The following ACTL7B variants were observed in gnomAD, a reference collection of about 807,000 sequenced individuals.
The protein encoded by ACTL7B is actin like 7B.
ACTL7B carries 14 observed loss-of-function variants against 17.5 expected under a neutral mutation model. The observed-to-expected ratio is 0.80, with a 90% CI of 0.53 to 1.25. The LOEUF (loss-of-function observed/expected upper bound fraction) is 1.25. Among genes scored for constraint, ACTL7B ranks in the 50% most tolerant of loss-of-function variants. The pLI is 0.00. For synonymous variants in ACTL7B, 267 were observed against 252.4 expected (o/e 1.06, Z -0.55); for missense variants, 599 against 573.9 (o/e 1.04, Z -0.45).
chr9:108,855,533 A>T lies in ACTL7B; in HGVS notation c.398T>A (p.Ile133Asn). 3.1e-6 allele frequency: 5 copies of T among 1,613,578 alleles called. No individual in the cohort carries two copies. Among genetic ancestry groups the T allele is most frequent in the Non-Finnish European group, 4.2e-6 (5 of 1,180,036 alleles). The part of the protein sequence containing the change: ...WDCVQDIWEY[I>N]FRTAMKILPE... ...GAGGATCTTCATGGCGGTGCGGAAG[A>T]TGTACTCCCAGATGTCCTGCACGCA... is the stretch of plus-strand genomic sequence containing the variant. Residue 133 changes from isoleucine to asparagine, a missense_variant, in exon 1 of 1, where the codon ATC becomes AAC. Coordinates refer to ENST00000374667, the MANE Select transcript of ACTL7B (RefSeq NM_006686.4).
In ACTL7B at chr9:108,855,807, T is replaced by G; in HGVS notation, c.124A>C (p.Lys42Gln). The change falls in exon 1 of 1, where the codon AAG becomes CAG. Residue 42 changes from lysine (K) to glutamine (Q), a missense_variant. Coordinates refer to ENST00000374667, the MANE Select transcript of ACTL7B (RefSeq NM_006686.4). ...DTGAATQLKMKPRKVHKIKAV... is the reference protein window; with the variant it reads ...DTGAATQLKMQPRKVHKIKAV... ...TTGATCTTGTGCACCTTCCTGGGCT[T>G]CATCTTGAGCTGAGTGGCCGCACCT... 6.2e-7 allele frequency: 1 copy of G among 1,611,082 alleles called. No individual in the cohort carries two copies. Among genetic ancestry groups the G allele is most frequent in the Non-Finnish European group, 8.5e-7 (1 of 1,180,010 alleles).
Position 108,854,676 on chromosome 9 carries a change from C to T in ACTL7B, c.*7G>A. 6.7e-7 allele frequency: 1 copy of T among 1,492,462 alleles called. No homozygotes were observed. The highest frequency in any genetic ancestry group is 8.9e-7 in the Non-Finnish European group (1 of 1,119,298). The allele number at this position is 1,492,462 out of a possible 1,614,324, so 92.5% of individuals were successfully genotyped here. On this transcript the variant is annotated 3_prime_UTR_variant, in exon 1 of 1. Transcript: ENST00000374667. ...GCTGGAGGCCTTGTCTGTGGAAATGCCGAGGCTCAGCACTTGCTGTAGATG... is the reference window on the plus strand; with the variant it reads ...GCTGGAGGCCTTGTCTGTGGAAATGTCGAGGCTCAGCACTTGCTGTAGATG...
chr9:108,854,784 C>G lies in ACTL7B; in HGVS notation c.1147G>C (p.Gly383Arg). 1 of 1,602,620 alleles carries G rather than the reference C, an allele frequency of 6.2e-7. No homozygotes were observed. Among genetic ancestry groups the G allele is most frequent in the Non-Finnish European group, 8.5e-7 (1 of 1,173,662 alleles). ...TGCAGGGAGGCCAGGATGGAACCGC[C>G]GGTCCACACGGAGGTCTTCCTCTCA... ...APERKTSVWTGGSILASLQAF... is the reference protein window; with the variant it reads ...APERKTSVWTRGSILASLQAF... Residue 383 changes from glycine to arginine, a missense_variant, in exon 1 of 1, where the codon GGC becomes CGC. Transcript: ENST00000374667.
chr9:108,854,654 G>A lies in ACTL7B; in HGVS notation c.*29C>T, dbSNP rs779554652. On this transcript the variant is annotated 3_prime_UTR_variant, in exon 1 of 1. Transcript: ENST00000374667. ...AGAGAGGCCTGTGGCCATCTGTGCT[G>A]GAGGCCTTGTCTGTGGAAATGCCGA... 1.4e-6 allele frequency: 2 copies of A among 1,479,706 alleles called. No homozygotes were observed. Among genetic ancestry groups the A allele is most frequent in the Admixed American group, 2.4e-5 (1 of 41,482 alleles). 91.7% of individuals were successfully genotyped at this position (1,479,706 alleles called of 1,614,324 possible). A position where few individuals can be genotyped will look rare whatever the true frequency, so the allele number is the denominator to read the frequency against.
rs1827078307 is a variant in ACTL7B, at chr9:108,855,291, C to CCGG, written c.639_640insCCG (p.Asp213_Val214insPro). ...GCGCGGCTGGTCAGGCCCGGCAGCA[C>CCGG]GTCGCCCTCGGATATGGGCACCACG... On this transcript the variant is annotated inframe_insertion, in exon 1 of 1. Coordinates refer to ENST00000374667, the MANE Select transcript of ACTL7B (RefSeq NM_006686.4). 14 of 1,600,108 alleles carry CCGG rather than the reference C, an allele frequency of 8.7e-6. No individual in the cohort carries two copies. The Admixed American group carries it at 2.3e-4, about 27-fold the overall frequency.
rs1346885541 is a variant in ACTL7B at position 108,855,698 on chromosome 9, G to T, written c.233C>A (p.Thr78Asn). 7 of 1,611,132 alleles carry T rather than the reference G, an allele frequency of 4.3e-6. No homozygotes were observed. Among genetic ancestry groups the T allele is most frequent in the Non-Finnish European group, 5.9e-6 (7 of 1,180,026 alleles). Residue 78 changes from threonine (T) to asparagine (N), a missense_variant, in exon 1 of 1, where the codon ACC (threonine) becomes AAC (asparagine). Physicochemically the swap from Thr to Asn is moderately conservative, Grantham distance 65 (BLOSUM62 0). Coordinates refer to ENST00000374667, the MANE Select transcript of ACTL7B (RefSeq NM_006686.4). ...EPRPTYFISSTVGKRCPEAAD... is the reference protein window; with the variant it reads ...EPRPTYFISSNVGKRCPEAAD... ...CGCCTCGGGGCAGCGTTTGCCCACGGTGGAGGAGATGAAGTAGGTGGGCCT... is the reference window on the plus strand; with the variant it reads ...CGCCTCGGGGCAGCGTTTGCCCACGTTGGAGGAGATGAAGTAGGTGGGCCT...
In ACTL7B at chr9:108,855,817, C is replaced by T. The variant is rs1317418794; in HGVS notation, c.114G>A (p.Gln38=). 1 of 1,611,332 alleles carries T rather than the reference C, an allele frequency of 6.2e-7. No homozygotes were observed. Among genetic ancestry groups the T allele is most frequent in the South Asian group, 1.1e-5 (1 of 91,088 alleles). Residue 38 remains glutamine (Q), a synonymous_variant, in exon 1 of 1, where the codon CAG becomes CAA. Transcript: ENST00000374667. ...GCACCTTCCTGGGCTTCATCTTGAGCTGAGTGGCCGCACCTGTGTCCCGGA... is the reference window on the plus strand; with the variant it reads ...GCACCTTCCTGGGCTTCATCTTGAGTTGAGTGGCCGCACCTGTGTCCCGGA... ...ASLRDTGAAT[Q]LKMKPRKVHK...
chr9:108,855,115 C>T lies in ACTL7B; in HGVS notation c.816G>A (p.Leu272=). Residue 272 remains leucine, a synonymous_variant, in exon 1 of 1, where the codon CTG becomes CTA. Transcript: ENST00000374667. ...AAFLPEEELG[L]VPEELRVDYE... is the part of the protein sequence containing the mutation. ...AGTCCACGCGCAGCTCCTCCGGGAC[C>T]AGGCCCAGCTCCTCCTCGGGCAGGA... 1 of 1,606,338 alleles carries T rather than the reference C, an allele frequency of 6.2e-7. No homozygotes were observed. Among genetic ancestry groups the T allele is most frequent in the Non-Finnish European group, 8.5e-7 (1 of 1,176,594 alleles).
In ACTL7B at chr9:108,854,864, T is replaced by C; in HGVS notation, c.1067A>G (p.Gln356Arg). 2.6e-6 allele frequency: 4 copies of C among 1,546,434 alleles called. No homozygotes were observed. The highest frequency in any genetic ancestry group is 3.5e-6 in the Non-Finnish European group (4 of 1,146,646). Residue 356 changes from glutamine (Q) to arginine (R), a missense_variant, in exon 1 of 1, where the codon CAG becomes CGG. Physicochemically the swap from Gln to Arg is conservative, Grantham distance 43. Transcript: ENST00000374667. ...TMLDGFPERF[Q>R]RELSLLCPGD... is the part of the protein sequence containing the mutation. ...GGGGCAGAGGAGGCTCAGCTCCCTCTGGAAGCGCTCGGGGAAGCCATCCAG... is the reference window on the plus strand; with the variant it reads ...GGGGCAGAGGAGGCTCAGCTCCCTCCGGAAGCGCTCGGGGAAGCCATCCAG...
At position 108,854,953 on chromosome 9, in the gene ACTL7B, G is replaced by C; in HGVS notation, c.978C>G (p.Cys326Trp). 6.6e-7 allele frequency: 1 copy of C among 1,516,602 alleles called. No individual in the cohort carries two copies. Among genetic ancestry groups the C allele is most frequent in the South Asian group, 1.3e-5 (1 of 75,444 alleles). The allele number at this position is 1,516,602 out of a possible 1,614,324, so 93.9% of individuals were successfully genotyped here. ...PELTAACLGR[C>W]QDTGFKEEMA... is the part of the protein sequence containing the mutation. ...TCTCCTCCTTGAAGCCCGTGTCCTG[G>C]CAGCGGCCCAGGCAGGCAGCTGTGA... The change falls in exon 1 of 1, where the codon TGC (cysteine) becomes TGG (tryptophan). Residue 326 changes from cysteine (C) to tryptophan (W), a missense_variant. Transcript: ENST00000374667.
In ACTL7B at chr9:108,855,458, C is replaced by T. The variant is rs115562684; in HGVS notation, c.473G>A (p.Ser158Asn). Reference sequence around the variant, plus strand: ...GAGCTCCGCGTACTTCTCCCGGTTGCTGCTGGGGCTGAGCGGAGGGTCGGA... The same window carrying T: ...GAGCTCCGCGTACTTCTCCCGGTTGTTGCTGGGGCTGAGCGGAGGGTCGGA... The part of the protein sequence containing the change: ...LVSDPPLSPS[S>N]NREKYAELMF... Residue 158 changes from serine to asparagine, a missense_variant, in exon 1 of 1, where the codon AGC (serine) becomes AAC (asparagine). Physicochemically the swap from Ser to Asn is conservative, Grantham distance 46. Transcript: ENST00000374667. 140 of 1,613,398 alleles carry T rather than the reference C, an allele frequency of 8.7e-5. No individual in the cohort carries two copies. In the African/African-American group the frequency reaches 1.7e-3, roughly 20 times the overall value.
Position 108,854,628 on chromosome 9 carries a change from T to C in ACTL7B, c.*55A>G. 1 of 1,416,702 alleles carries C rather than the reference T, an allele frequency of 7.1e-7. No individual in the cohort carries two copies. The highest frequency in any genetic ancestry group is 9.3e-7 in the Non-Finnish European group (1 of 1,079,166). The allele number at this position is 1,416,702 out of a possible 1,614,324, so 87.8% of individuals were successfully genotyped here. Reference sequence around the variant, plus strand: ...TTATGTGAAATTCTGTAAATGTGTATAGAGAGGCCTGTGGCCATCTGTGCT... The same window carrying C: ...TTATGTGAAATTCTGTAAATGTGTACAGAGAGGCCTGTGGCCATCTGTGCT... On this transcript the variant is annotated 3_prime_UTR_variant, in exon 1 of 1. Transcript: ENST00000374667.
At position 108,855,118 on chromosome 9, in the gene ACTL7B, G is replaced by A. The variant is rs1827073754; in HGVS notation, c.813C>T (p.Gly271=). Reference sequence around the variant, plus strand: ...CCACGCGCAGCTCCTCCGGGACCAGGCCCAGCTCCTCCTCGGGCAGGAAGG... The same window carrying A: ...CCACGCGCAGCTCCTCCGGGACCAGACCCAGCTCCTCCTCGGGCAGGAAGG... ...YAAFLPEEEL[G]LVPEELRVDY... is the part of the protein sequence containing the mutation. The change falls in exon 1 of 1, where the codon GGC becomes GGT. Residue 271 remains glycine, a synonymous_variant. Transcript: ENST00000374667. The A allele has an allele frequency of 1.2e-6, 2 of 1,607,774 alleles. No homozygotes were observed. The highest frequency in any genetic ancestry group is 1.7e-4 in the Middle Eastern group (1 of 6,034).
rs1280965938 is a variant in ACTL7B at position 108,855,656 on chromosome 9, G to T, written c.275C>A (p.Thr92Asn). 2 of 1,613,358 alleles carry T rather than the reference G, an allele frequency of 1.2e-6. No homozygotes were observed. The highest frequency in any genetic ancestry group is 3.3e-5 in the Admixed American group (2 of 60,032). The change falls in exon 1 of 1, where the codon ACC becomes AAC. Residue 92 changes from threonine to asparagine, a missense_variant. Coordinates refer to ENST00000374667, the MANE Select transcript of ACTL7B (RefSeq NM_006686.4). ...ATGGCCCACTAAAGTCCACTTGCGG[G>T]TGTCGCCAGCGTCGGCCGCCTCGGG... ...RCPEAADAGD[T>N]RKWTLVGHEL...
In ACTL7B at chr9:108,854,872, C is replaced by A; in HGVS notation, c.1059G>T (p.Glu353Asp). The A allele has an allele frequency of 6.5e-7, 1 of 1,536,560 alleles. No homozygotes were observed. Residue 353 changes from glutamate to aspartate, a missense_variant, in exon 1 of 1, where the codon GAG (glutamate) becomes GAT (aspartate). Transcript: ENST00000374667. ...GGAGGCTCAGCTCCCTCTGGAAGCG[C>A]TCGGGGAAGCCATCCAGCATAGTGC... ...GGCTMLDGFP[E>D]RFQRELSLLC... is the part of the protein sequence containing the mutation.
In ACTL7B at chr9:108,855,255, C is replaced by T; in HGVS notation, c.676G>A (p.Gly226Arg). The change falls in exon 1 of 1, where the codon GGG becomes AGG. Residue 226 changes from glycine to arginine, a missense_variant. By Grantham distance (125) the Gly-to-Arg change is moderately radical (BLOSUM62 -2). Transcript: ENST00000374667. The stretch of plus-strand genomic sequence containing the variant: ...ATCAGGTAGTTGGTGAGGTCACCCC[C>T]AGCGTAGTCGGCGCGGCTGGTCAGG... The part of the protein sequence containing the change: ...PGLTSRADYA[G>R]GDLTNYLMQL... The T allele has an allele frequency of 1.3e-6, 2 of 1,596,358 alleles. No homozygotes were observed. Among genetic ancestry groups the T allele is most frequent in the Non-Finnish European group, 8.5e-7 (1 of 1,176,594 alleles).
At position 108,855,615 on chromosome 9, in the gene ACTL7B, C is replaced by G. The variant is rs932098251; in HGVS notation, c.316G>C (p.Glu106Gln). Reference sequence around the variant, plus strand: ...GGGTTCACCAGCTTGAGAGGCGCCTCCGTGTTGAGCAGCTCATGGCCCACT... The same window carrying G: ...GGGTTCACCAGCTTGAGAGGCGCCTGCGTGTTGAGCAGCTCATGGCCCACT... ...TLVGHELLNTEAPLKLVNPLK... is the reference protein window; with the variant it reads ...TLVGHELLNTQAPLKLVNPLK... The change falls in exon 1 of 1, where the codon GAG becomes CAG. Residue 106 changes from glutamate to glutamine, a missense_variant. Coordinates refer to ENST00000374667, the MANE Select transcript of ACTL7B (RefSeq NM_006686.4). 1.2e-6 allele frequency: 2 copies of G among 1,613,696 alleles called. No individual in the cohort carries two copies. Among genetic ancestry groups the G allele is most frequent in the African/African-American group, 1.3e-5 (1 of 74,948 alleles).
rs139091828 is a variant in ACTL7B at position 108,855,641 on chromosome 9, A to G, written c.290T>C (p.Leu97Ser). 8 of 1,613,508 alleles carry G rather than the reference A, an allele frequency of 5.0e-6. No homozygotes were observed. Among genetic ancestry groups the G allele is most frequent in the Admixed American group, 3.3e-5 (2 of 60,010 alleles). ...ADAGDTRKWTLVGHELLNTEA... is the reference protein window; with the variant it reads ...ADAGDTRKWTSVGHELLNTEA... Reference sequence around the variant, plus strand: ...CGTGTTGAGCAGCTCATGGCCCACTAAAGTCCACTTGCGGGTGTCGCCAGC... The same window carrying G: ...CGTGTTGAGCAGCTCATGGCCCACTGAAGTCCACTTGCGGGTGTCGCCAGC... The change falls in exon 1 of 1, where the codon TTA (leucine) becomes TCA (serine). Residue 97 changes from leucine (L) to serine (S), a missense_variant. Transcript: ENST00000374667.
rs778912009 is a variant in ACTL7B at position 108,855,895 on chromosome 9, C to T, written c.36G>A (p.Thr12=). 6.2e-7 allele frequency: 1 copy of T among 1,604,538 alleles called. No homozygotes were observed. Among genetic ancestry groups the T allele is most frequent in the African/African-American group, 1.3e-5 (1 of 74,856 alleles). The change falls in exon 1 of 1, where the codon ACG becomes ACA. Residue 12 remains threonine (T), a synonymous_variant. Transcript: ENST00000374667. ...CTGCCTCTCCAGGGTCACCCTGAGC[C>T]GTGCCCAGGGGCATGGGGCTGTTCC... is the stretch of plus-strand genomic sequence containing the variant. ...ATRNSPMPLG[T]AQGDPGEAGT...
Sources: allele counts gnomAD v4.1 joint callset, GRCh38; gene constraint gnomAD v4.1.1; transcripts MANE v1.5; gene names NCBI Gene and HGNC (gene_info 2026-07-23, HGNC 2026-07-21).